FILIP1L: variants seen among roughly 807,000 people sequenced by gnomAD.
The protein encoded by FILIP1L is filamin A interacting protein 1 like.
FILIP1L carries 55 observed loss-of-function variants against 96.6 expected under a neutral mutation model. The observed-to-expected ratio is 0.57, with a 90% CI of 0.46 to 0.71. The LOEUF (loss-of-function observed/expected upper bound fraction) is 0.71, where lower values mean the gene tolerates loss of function less well. Ranked by LOEUF, FILIP1L falls within the 30% of genes least tolerant of loss-of-function variation. The pLI, the probability that FILIP1L is intolerant of heterozygous loss-of-function variation, is 0.00. For synonymous variants in FILIP1L, 467 were observed against 473.9 expected (o/e 0.99, Z 0.19); for missense variants, 1,304 against 1,321.2 (o/e 0.99, Z 0.20).
chr3:99,959,846 C>T (rs896771999), intron 1 of FILIP1L, among the ~76,000 whole-genome samples: 1 of 152,152 alleles, frequency 6.6e-6, no homozygotes, highest in Non-Finnish European at 1.5e-5. Flanking sequence ...AGATTATGAG[C>T]ATGGTTCTTG....
chr3:99,847,559 T>C (rs1233355361), intron 5 of FILIP1L, among the ~76,000 whole-genome samples: 1 of 152,182 alleles, frequency 6.6e-6, no homozygotes, highest in African/African-American at 2.4e-5. Context: ...ATCATCTGCT[T>C]CTATGTGCTC....
At chr3:100,080,724 A>G (rs1049216612) in intron 1 of FILIP1L, among the ~76,000 whole-genome samples, 42 of 152,350 alleles carry the variant, frequency 2.8e-4, no homozygotes, top group African/African-American at 7.7e-4. Context: ...TCTTGGTCAT[A>G]TCAGCTAATT....
chr3:99,924,259 G>A lies in FILIP1L; in HGVS notation c.576C>T (p.Phe192=). Residue 192 remains phenylalanine, a synonymous_variant, in exon 4 of 6, where the codon TTC becomes TTT. Transcript: ENST00000477258. ...CACATTCCTGTTCTAGTAGGCATAT[G>A]AATTCATCACTCTTCTCCATGTATT... is the stretch of plus-strand genomic sequence containing the variant. ...HKEYMEKSDE[F]ICLLEQECER... 6.2e-7 allele frequency: 1 copy of A among 1,613,966 alleles called. No individual in the cohort carries two copies. The highest frequency in any genetic ancestry group is 2.2e-5 in the East Asian group (1 of 44,880).
intron 1 of FILIP1L, among the ~76,000 whole-genome samples, chr3:100,087,926 G>A (rs1018853892): frequency 6.0e-5 from 9 of 150,882 alleles, no homozygotes; most frequent in African/African-American, 2.2e-4. Context: ...CACCTCCAGG[G>A]TTCAAGCAAT....
At chr3:99,940,651 T>C (rs887370707) in intron 1 of FILIP1L, among the ~76,000 whole-genome samples, 1 of 152,214 alleles carries the variant, frequency 6.6e-6, no homozygotes, top group Non-Finnish European at 1.5e-5. Context: ...TCTAGGAAGA[T>C]GTGAATCCTA....
chr3:99,990,363 A>T (rs1468871293), intron 1 of FILIP1L, among the ~76,000 whole-genome samples: 1 of 152,196 alleles, frequency 6.6e-6, no homozygotes. Context: ...TGATCCGTTC[A>T]ATCTCTCTAT....
chr3:99,978,062 G>A (rs1709020895), intron 1 of FILIP1L, among the ~76,000 whole-genome samples: 1 of 152,052 alleles, frequency 6.6e-6, no homozygotes, highest in Admixed American at 6.6e-5. Flanking sequence ...AACAAGCAAT[G>A]AACGTTTCAA....
chr3:99,959,224 C>T (rs953604286), intron 1 of FILIP1L, among the ~76,000 whole-genome samples: 1 of 152,218 alleles, frequency 6.6e-6, no homozygotes, highest in Non-Finnish European at 1.5e-5. Flanking sequence ...CTTCAGCTCA[C>T]TGCAACCTCC....
At chr3:99,983,787 G>A (rs1205523817) in intron 1 of FILIP1L, among the ~76,000 whole-genome samples, 1 of 151,536 alleles carries the variant, frequency 6.6e-6, no homozygotes, top group Non-Finnish European at 1.5e-5. Context: ...TCTACCTGTA[G>A]CTAGCAAGAA....
chr3:99,893,008 TGGA>T (rs1706133990), intron 4 of FILIP1L, among the ~76,000 whole-genome samples: 1 of 152,154 alleles, frequency 6.6e-6, no homozygotes, highest in Non-Finnish European at 1.5e-5. Context: ...GGACAGTGAC[TGGA>T]GGAGGAGTGG....
chr3:99,893,422 C>G (rs1484708768), intron 4 of FILIP1L, among the ~76,000 whole-genome samples: 1 of 152,280 alleles, frequency 6.6e-6, no homozygotes, highest in South Asian at 2.1e-4. Flanking sequence ...GTCTCGGCCT[C>G]CCAAAGTGCT....
chr3:100,046,388 T>C (rs1340031561), intron 1 of FILIP1L, among the ~76,000 whole-genome samples: 2 of 152,228 alleles, frequency 1.3e-5, no homozygotes, highest in Non-Finnish European at 2.9e-5. Context: ...ATCAGGTTGT[T>C]CACCTATTTC....
At chr3:100,056,199 A>C (rs544384609) in intron 1 of FILIP1L, among the ~76,000 whole-genome samples, 7 of 152,308 alleles carry the variant, frequency 4.6e-5, no homozygotes, top group African/African-American at 1.7e-4. Flanking sequence ...AAATATTATT[A>C]CCAGCTGAGG....
Position 100,095,561 on chromosome 3 carries a change from T to C in FILIP1L, c.-11+18492A>G, listed in dbSNP as rs1167529582. ...TAAATGGTGCTAGGAAAACTGGACATTTATGTGCAGAAGAATGAAACTTGA... is the reference window on the plus strand; with the variant it reads ...TAAATGGTGCTAGGAAAACTGGACACTTATGTGCAGAAGAATGAAACTTGA... On this transcript the variant is annotated intron_variant, in intron 1 of 5. Coordinates refer to ENST00000477258, the MANE Select transcript of FILIP1L (RefSeq NM_001387850.1). Among the ~76,000 whole-genome samples the C allele has an allele frequency of 5.9e-5, 9 of 152,006 alleles. No homozygotes were observed. The East Asian group carries it at 1.2e-3, about 20-fold the overall frequency.
chr3:99,861,229 GACTT>G (rs1944236955), intron 4 of FILIP1L, among the ~76,000 whole-genome samples: 1 of 152,112 alleles, frequency 6.6e-6, no homozygotes. Flanking sequence ...AACAGATTAA[GACTT>G]TAGGTCTTTG....
intron 1 of FILIP1L, among the ~76,000 whole-genome samples, chr3:100,101,194 C>A (rs1249759715): frequency 6.6e-6 from 1 of 152,140 alleles, no homozygotes; most frequent in Non-Finnish European, 1.5e-5. Context: ...CAGCGTTATA[C>A]TAAGACTGAG....
chr3:99,937,799 G>A (rs996797967), intron 1 of FILIP1L, among the ~76,000 whole-genome samples: 4 of 152,160 alleles, frequency 2.6e-5, no homozygotes, highest in Admixed American at 2.6e-4. Context: ...TAGAAAAAGG[G>A]TACTGAGAAT....
At chr3:100,021,960 T>A (rs10604710) in intron 1 of FILIP1L, among the ~76,000 whole-genome samples, 8,387 of 91,524 alleles carry the variant, frequency 0.092, 380 homozygotes, top group East Asian at 0.15. Context: ...TGTGTGTGTG[T>A]GAGAGAGAGA....
At chr3:99,972,123 A>T (rs1303193781) in intron 1 of FILIP1L, among the ~76,000 whole-genome samples, 1 of 152,262 alleles carries the variant, frequency 6.6e-6, no homozygotes, top group Non-Finnish European at 1.5e-5. Context: ...GTGATATTGC[A>T]GACATATAAA....
Sources: allele counts gnomAD v4.1 joint callset (sites outside exome capture counted in the v4.1 genomes callset), GRCh38; gene constraint gnomAD v4.1.1; transcripts MANE v1.5; gene names NCBI Gene and HGNC (gene_info 2026-07-23, HGNC 2026-07-21).